DCC: variants seen among roughly 807,000 people sequenced by gnomAD.
DCC encodes the protein netrin receptor DCC.
Under a neutral mutation model 172.5 loss-of-function variants are expected in DCC, and 58 were observed. That is an observed-to-expected ratio of 0.34 (90% CI 0.27 to 0.42). DCC has a LOEUF of 0.42. DCC is among the 10% of genes least tolerant of loss of function. The pLI is 1.00. For synonymous variants in DCC, 709 were observed against 644.5 expected (o/e 1.10, Z -1.52); for missense variants, 1,740 against 1,791.0 (o/e 0.97, Z 0.51).
chr18:52,933,767 T>A (rs757351995), intron 5 of DCC, among the ~76,000 whole-genome samples: 8 of 152,082 alleles, frequency 5.3e-5, no homozygotes, highest in Admixed American at 4.6e-4. Flanking sequence ...ACAAGTGCAG[T>A]TTTGTTACCT....
At chr18:53,001,113 T>C (rs939063233) in intron 5 of DCC, among the ~76,000 whole-genome samples, 4 of 151,998 alleles carry the variant, frequency 2.6e-5, no homozygotes, top group Admixed American at 1.3e-4. Flanking sequence ...CTAAGCAAGA[T>C]AGTTGGTAGT....
At chr18:53,309,775 G>T (rs1802959579) in intron 13 of DCC, among the ~76,000 whole-genome samples, 1 of 151,882 alleles carries the variant, frequency 6.6e-6, no homozygotes, top group Admixed American at 6.6e-5. Context: ...AGAGCTGTAA[G>T]AATTTGGATC....
intron 14 of DCC, among the ~76,000 whole-genome samples, chr18:53,326,946 C>A (rs367850029): frequency 2.6e-5 from 4 of 152,312 alleles, no homozygotes; most frequent in African/African-American, 9.6e-5. Flanking sequence ...ACTTACCCCC[C>A]TGCTTCAGAG....
Position 53,533,045 on chromosome 18 carries a change from A to T in DCC, c.*2392A>T, listed in dbSNP as rs1353698070. 1 of 152,194 alleles carries T rather than the reference A, an allele frequency of 6.6e-6. No individual in the cohort carries two copies. The highest frequency in any genetic ancestry group is 2.1e-4 in the South Asian group (1 of 4,832). The allele number at this position is 152,194 out of a possible 1,614,324, so 9.4% of individuals were successfully genotyped here. ...ATTAGCACCATGCATTTAATCTATAATACAATCAATTTAAACATCCTCAAA... is the reference window on the plus strand; with the variant it reads ...ATTAGCACCATGCATTTAATCTATATTACAATCAATTTAAACATCCTCAAA... On this transcript the variant is annotated 3_prime_UTR_variant, in exon 29 of 29. Transcript: ENST00000442544.
intron 15 of DCC, among the ~76,000 whole-genome samples, chr18:53,380,099 A>T (rs962151504): frequency 1.3e-4 from 20 of 152,210 alleles, no homozygotes; most frequent in African/African-American, 4.6e-4. Context: ...GGGTCTGGCC[A>T]TAATTAATGA....
chr18:53,278,564 T>C (rs1329661305), intron 12 of DCC, among the ~76,000 whole-genome samples: 1 of 152,152 alleles, frequency 6.6e-6, no homozygotes, highest in Non-Finnish European at 1.5e-5. Flanking sequence ...CTCTGCTCCC[T>C]CTCCTTCCTG....
At chr18:53,437,013 C>T (rs1191104647) in intron 22 of DCC, among the ~76,000 whole-genome samples, 3 of 152,108 alleles carry the variant, frequency 2.0e-5, no homozygotes, top group African/African-American at 7.2e-5. Context: ...ACTCTCATGA[C>T]CTAATTATCT....
chr18:53,483,357 T>C (rs1217576198), intron 25 of DCC, among the ~76,000 whole-genome samples: 1 of 151,906 alleles, frequency 6.6e-6, no homozygotes, highest in East Asian at 1.9e-4. Context: ...ATGTATCCCC[T>C]CATATATTTA....
intron 20 of DCC, among the ~76,000 whole-genome samples, chr18:53,414,943 T>A (rs1910216915): frequency 6.6e-6 from 1 of 152,242 alleles, no homozygotes; most frequent in Admixed American, 6.5e-5. Context: ...ATGTTATGTT[T>A]AAATGAAAGA....
intron 12 of DCC, among the ~76,000 whole-genome samples, chr18:53,299,036 G>A (rs1293316813): frequency 6.6e-6 from 1 of 152,160 alleles, no homozygotes; most frequent in Non-Finnish European, 1.5e-5. Flanking sequence ...CCACTAAGAT[G>A]AGTAGTGAAA....
chr18:53,435,334 G>C (rs922174263), intron 22 of DCC, 125 bp downstream of exon 22: 2 of 655,188 alleles, frequency 3.1e-6, no homozygotes, highest in South Asian at 1.8e-5. Context: ...GTCTTAGTGG[G>C]ATAATAGAAA....
intron 2 of DCC, among the ~76,000 whole-genome samples, chr18:52,806,434 C>A (rs2038084928): frequency 6.6e-6 from 1 of 152,194 alleles, no homozygotes; most frequent in African/African-American, 2.4e-5. Context: ...CAAGCCAGTG[C>A]TCACCAAAAT....
At chr18:53,519,452 C>T (rs1373717389) in intron 27 of DCC, among the ~76,000 whole-genome samples, 1 of 151,866 alleles carries the variant, frequency 6.6e-6, no homozygotes, top group East Asian at 1.9e-4. Flanking sequence ...TTTCCAACTT[C>T]TCAGAGCCCC....
chr18:52,873,075 G>A (rs2039346994), intron 2 of DCC, among the ~76,000 whole-genome samples: 1 of 152,114 alleles, frequency 6.6e-6, no homozygotes, highest in Admixed American at 6.6e-5. Flanking sequence ...TTTGAAATCG[G>A]TCACAGGCTG....
intron 1 of DCC, among the ~76,000 whole-genome samples, chr18:52,438,053 A>T (rs543401188): frequency 1.3e-5 from 2 of 152,192 alleles, no homozygotes; most frequent in Non-Finnish European, 1.5e-5. Context: ...AGCAATACAG[A>T]TAGATTCACT....
intron 11 of DCC, among the ~76,000 whole-genome samples, chr18:53,213,811 A>T (rs987836895): frequency 2.6e-5 from 4 of 151,910 alleles, no homozygotes; most frequent in African/African-American, 4.8e-5. Flanking sequence ...TCAATTTAAA[A>T]AACTAAATTG....
At chr18:53,462,669 T>G (rs148420481) in intron 24 of DCC, among the ~76,000 whole-genome samples, 1 of 151,836 alleles carries the variant, frequency 6.6e-6, no homozygotes, top group Admixed American at 6.6e-5. Flanking sequence ...ATGAAAAAAT[T>G]TTCTTCCATG....
rs373033988 is a variant in DCC at position 52,636,070 on chromosome 18, C to A, written c.92-115984C>A. 6.6e-5 allele frequency among the ~76,000 whole-genome samples: 10 copies of A among 152,274 alleles called. No individual in the cohort carries two copies. In the East Asian group the frequency reaches 7.7e-4, roughly 12 times the overall value. On this transcript the variant is annotated intron_variant, in intron 1 of 28. Coordinates refer to ENST00000442544, the MANE Select transcript of DCC (RefSeq NM_005215.4). ...GGAGACCCTCCTCTCCTGAACACAC[C>A]CCCCTAACTGGAGAAGCTGAAGTTC...
rs556118690 is a variant in DCC, at chr18:52,920,556, C to A, written c.698-3151C>A. Among the ~76,000 whole-genome samples, 11 of 152,098 alleles carry A rather than the reference C, an allele frequency of 7.2e-5. 1 individual carries two copies. The South Asian group carries it at 2.1e-3, about 29-fold the overall frequency. On this transcript the variant is annotated intron_variant, in intron 3 of 28. Transcript: ENST00000442544. ...AAATAATGGCAATAGCAAATGCTGA[C>A]AAGGATGTAGAACTTTTTTTGCTGG...
Sources: allele counts gnomAD v4.1 joint callset (sites outside exome capture counted in the v4.1 genomes callset), GRCh38; gene constraint gnomAD v4.1.1; transcripts MANE v1.5; gene names NCBI Gene and HGNC (gene_info 2026-07-23, HGNC 2026-07-21).